PRDM16: variants seen among roughly 807,000 people sequenced by gnomAD.
The protein encoded by PRDM16 is PR/SET domain 16, also known as histone-lysine N-methyltransferase PRDM16.
PRDM16 carries 23 observed loss-of-function variants against 110.6 expected under a neutral mutation model. That is an observed-to-expected ratio of 0.21 (90% confidence interval 0.15 to 0.29). PRDM16 has a LOEUF of 0.29. PRDM16 is among the 10% of genes least tolerant of loss of function. The pLI, the probability that PRDM16 is intolerant of heterozygous loss-of-function variation, is 1.00. For missense variants in PRDM16, 1,615 were observed against 1,794.3 expected (o/e 0.90, Z 1.81); for synonymous variants, 799 against 781.8 (o/e 1.02, Z -0.37).
intron 2 of PRDM16, among the ~76,000 whole-genome samples, chr1:3,193,831 G>A (rs1266050896): frequency 4.6e-5 from 7 of 152,174 alleles, no homozygotes; most frequent in Admixed American, 2.0e-4. Context: ...TGGGGGCTGC[G>A]GGCTCCCCTT....
chr1:3,079,324 T>G (rs1166069133), intron 1 of PRDM16, among the ~76,000 whole-genome samples: 3 of 152,134 alleles, frequency 2.0e-5, no homozygotes, highest in Non-Finnish European at 2.9e-5. Context: ...ACGCGCTGCC[T>G]GGCTGGCCCA....
chr1:3,216,731 C>CAT (rs944413646), intron 2 of PRDM16, among the ~76,000 whole-genome samples: 167 of 152,358 alleles, frequency 1.1e-3, no homozygotes, highest in African/African-American at 3.8e-3. Context: ...AGTCTAGGCC[C>CAT]ATGCCTGAGA....
intron 2 of PRDM16, among the ~76,000 whole-genome samples, chr1:3,236,540 C>T (rs147251716): frequency 1.3e-5 from 2 of 152,208 alleles, no homozygotes; most frequent in African/African-American, 4.8e-5. Context: ...GCAAGCTGGG[C>T]GTGGCCATGG....
chr1:3,173,657 G>A (rs1644054030), intron 1 of PRDM16, among the ~76,000 whole-genome samples: 1 of 152,244 alleles, frequency 6.6e-6, no homozygotes, highest in Non-Finnish European at 1.5e-5. Context: ...CAGAGGCGTG[G>A]GCTGCGCAGA....
At chr1:3,096,442 G>A (rs533660975) in intron 1 of PRDM16, among the ~76,000 whole-genome samples, 2 of 152,186 alleles carry the variant, frequency 1.3e-5, no homozygotes, top group Non-Finnish European at 2.9e-5. Context: ...GGTCATGGGA[G>A]GGGAGGCGAC....
intron 3 of PRDM16, among the ~76,000 whole-genome samples, chr1:3,365,716 C>T (rs1012649418): frequency 2.6e-5 from 4 of 152,208 alleles, no homozygotes; most frequent in African/African-American, 4.8e-5. Context: ...AAGTGGCTCC[C>T]GTCACCTCGC....
chr1:3,397,608 CCGCAAGTGA>C (rs1402238548), intron 5 of PRDM16, among the ~76,000 whole-genome samples: 11 of 152,268 alleles, frequency 7.2e-5, no homozygotes, highest in Admixed American at 7.2e-4. Flanking sequence ...TTGGGAGGCC[CCGCAAGTGA>C]ACAGGAACGC....
chr1:3,325,706 CTCTCCAGGTCTGG>C lies in PRDM16; in HGVS notation c.439-59444_439-59432del, dbSNP rs1425418880. 2.3e-4 allele frequency among the ~76,000 whole-genome samples: 35 copies of C among 152,386 alleles called. 1 individual carries two copies. The highest frequency in any genetic ancestry group is 2.0e-3 in the Admixed American group (31 of 15,310). On this transcript the variant is annotated intron_variant, in intron 3 of 16. Coordinates refer to ENST00000270722, the MANE Select transcript of PRDM16 (RefSeq NM_022114.4). ...CTCTGAGGGAGACTCTGTCCCCAGC[CTCTCCAGGTCTGG>C]TGTTGCTGGCCATCCTTGGCCCTCC...
intron 1 of PRDM16, among the ~76,000 whole-genome samples, chr1:3,101,159 T>A (rs1020581921): frequency 6.6e-6 from 1 of 152,114 alleles, no homozygotes; most frequent in Non-Finnish European, 1.5e-5. Flanking sequence ...ACAGAGACTG[T>A]GCCACGATGA....
At chr1:3,282,788 G>T (rs571570842) in intron 3 of PRDM16, among the ~76,000 whole-genome samples, 5 of 152,294 alleles carry the variant, frequency 3.3e-5, no homozygotes, top group Admixed American at 6.5e-5. Flanking sequence ...GAAGCCTGGC[G>T]AACGTGGGAC....
intron 1 of PRDM16, among the ~76,000 whole-genome samples, chr1:3,140,996 G>T (rs1643540170): frequency 6.6e-6 from 1 of 152,196 alleles, no homozygotes; most frequent in South Asian, 2.1e-4. Context: ...AGCCAGAGGA[G>T]TCCCCATGTC....
At chr1:3,301,385 T>C in intron 3 of PRDM16, among the ~76,000 whole-genome samples, 1 of 149,486 alleles carries the variant, frequency 6.7e-6, no homozygotes, top group South Asian at 2.1e-4. Context: ...AAAAGAAAGC[T>C]TGCCAAACAA....
At chr1:3,086,914 G>A (rs1248398780) in intron 1 of PRDM16, among the ~76,000 whole-genome samples, 1 of 151,976 alleles carries the variant, frequency 6.6e-6, no homozygotes, top group African/African-American at 2.4e-5. Flanking sequence ...ATGGAATTCC[G>A]CAATCTAAAC....
chr1:3,425,889 C>T lies in PRDM16; in HGVS notation c.3109+139C>T, dbSNP rs968472739. On this transcript the variant is annotated intron_variant, in intron 13 of 16. Transcript: ENST00000270722. This position sits in a 1 kb window ranked among gnomAD's most constrained non-coding sequence, Gnocchi z 6.9. ...ACCCCTCAGGAAGCCAACAGGCACC[C>T]CTCAAACCGTGGTCATTAAAGAGAA... 2.3e-5 allele frequency: 29 copies of T among 1,269,580 alleles called. No individual in the cohort carries two copies. Among genetic ancestry groups the T allele is most frequent in the Admixed American group, 1.2e-4 (5 of 41,506 alleles). 78.6% of individuals were successfully genotyped at this position (1,269,580 alleles called of 1,614,324 possible).
intron 2 of PRDM16, among the ~76,000 whole-genome samples, chr1:3,227,651 C>T (rs550689202): frequency 4.6e-5 from 7 of 152,368 alleles, no homozygotes; most frequent in South Asian, 2.1e-4. Context: ...GGCCCGGCTC[C>T]GGGACCTGGT....
chr1:3,145,934 G>GC (rs1643641152), intron 1 of PRDM16, among the ~76,000 whole-genome samples: 2 of 152,248 alleles, frequency 1.3e-5, no homozygotes, highest in East Asian at 1.9e-4. Context: ...GTCCCCCGGC[G>GC]CCCCCCGGGT....
intron 3 of PRDM16, among the ~76,000 whole-genome samples, chr1:3,250,948 G>A (rs989508012): frequency 2.6e-5 from 4 of 152,334 alleles, no homozygotes; most frequent in East Asian, 1.9e-4. Flanking sequence ...CCCCCATCTC[G>A]GGGTCCCTGG....
intron 3 of PRDM16, among the ~76,000 whole-genome samples, chr1:3,313,030 C>T (rs1474652390): frequency 2.0e-5 from 3 of 152,210 alleles, no homozygotes; most frequent in African/African-American, 4.8e-5. Context: ...TCCCAGTTGG[C>T]GTTCACACGT....
intron 3 of PRDM16, among the ~76,000 whole-genome samples, chr1:3,254,557 T>C (rs1263996944): frequency 2.0e-5 from 3 of 152,182 alleles, no homozygotes; most frequent in Non-Finnish European, 4.4e-5. Context: ...CCATTCACAA[T>C]TGCTTCAAAG....
Sources: gnomAD v4.1 joint callset for allele counts (sites outside exome capture counted in the v4.1 genomes callset) on GRCh38, gnomAD v4.1.1 for gene constraint, Gnocchi (gnomAD v3.1) non-coding constraint, MANE v1.5 for transcripts, NCBI Gene and HGNC (gene_info 2026-07-23, HGNC 2026-07-21) for gene names.